The following CACNA2D3 variants were observed in gnomAD, a reference collection of about 807,000 sequenced individuals.
CACNA2D3 encodes the protein calcium voltage-gated channel auxiliary subunit alpha2delta 3, also known as voltage-dependent calcium channel subunit alpha-2/delta-3.
A neutral mutation model predicts 160.6 loss-of-function variants in CACNA2D3; 60 were observed. The observed-to-expected ratio is 0.37, with a 90% CI of 0.30 to 0.46. The LOEUF (loss-of-function observed/expected upper bound fraction) is 0.46. Among genes scored for constraint, CACNA2D3 ranks in the 20% least tolerant of loss-of-function variants. The pLI, the probability that CACNA2D3 is intolerant of heterozygous loss-of-function variation, is 1.00. For synonymous variants in CACNA2D3, 558 were observed against 492.9 expected (o/e 1.13, Z -1.75); for missense variants, 1,205 against 1,365.0 (o/e 0.88, Z 1.85).
At chr3:54,453,436 A>G (rs149292147) in intron 4 of CACNA2D3, among the ~76,000 whole-genome samples, 4 of 152,268 alleles carry the variant, frequency 2.6e-5, no homozygotes, top group Non-Finnish European at 4.4e-5. Context: ...GGACTTCAAC[A>G]TATCTTTTGG....
intron 11 of CACNA2D3, among the ~76,000 whole-genome samples, chr3:54,729,918 G>T (rs1701353228): frequency 6.8e-6 from 1 of 147,374 alleles, no homozygotes; most frequent in Admixed American, 7.1e-5. Flanking sequence ...AGAATGCCAT[G>T]AACCCAGGAG....
intron 27 of CACNA2D3, chr3:54,967,166 T>C (rs970830359): frequency 2.6e-5 from 4 of 152,246 alleles, no homozygotes; most frequent in African/African-American, 9.6e-5. Flanking sequence ...CAAACACAGA[T>C]GGCAAATCTC....
intron 11 of CACNA2D3, among the ~76,000 whole-genome samples, chr3:54,695,997 C>G (rs1700657628): frequency 6.6e-6 from 1 of 152,140 alleles, no homozygotes; most frequent in Admixed American, 6.6e-5. Flanking sequence ...TCCCTTCTTT[C>G]TACATCTTAT....
At chr3:54,581,720 T>C (rs1231818789) in intron 8 of CACNA2D3, 83 bp from the exon 9 acceptor site, 1 of 1,107,342 alleles carries the variant, frequency 9.0e-7, no homozygotes, top group East Asian at 2.5e-5. Context: ...CTTTTTTGTT[T>C]GTGTGCGTAC....
At chr3:54,472,366 T>C (rs1346849801) in intron 4 of CACNA2D3, among the ~76,000 whole-genome samples, 1 of 152,212 alleles carries the variant, frequency 6.6e-6, no homozygotes, top group Non-Finnish European at 1.5e-5. Flanking sequence ...CTAAAAACTT[T>C]CAATAAACTA....
At chr3:54,232,281 T>G (rs1577014552) in intron 2 of CACNA2D3, among the ~76,000 whole-genome samples, 1 of 151,720 alleles carries the variant, frequency 6.6e-6, no homozygotes, top group Non-Finnish European at 1.5e-5. Flanking sequence ...TACAGGGAGG[T>G]GATGACAGTA....
chr3:54,938,206 G>T (rs1274406002), intron 27 of CACNA2D3, among the ~76,000 whole-genome samples: 1 of 152,236 alleles, frequency 6.6e-6, no homozygotes, highest in Non-Finnish European at 1.5e-5. Context: ...AACCAGCCCT[G>T]CTGGGGCTCC....
chr3:54,867,773 C>T (rs1480753552), intron 17 of CACNA2D3, among the ~76,000 whole-genome samples: 1 of 152,196 alleles, frequency 6.6e-6, no homozygotes, highest in Non-Finnish European at 1.5e-5. Flanking sequence ...CTTAGCAACT[C>T]CTCTTTTCCT....
intron 2 of CACNA2D3, among the ~76,000 whole-genome samples, chr3:54,281,044 C>G (rs1330755620): frequency 6.6e-6 from 1 of 152,188 alleles, no homozygotes; most frequent in Non-Finnish European, 1.5e-5. Context: ...GAGGCTGGCA[C>G]ACTGGTTTGT....
At position 54,349,765 on chromosome 3, in the gene CACNA2D3, G is replaced by A. The variant is rs77529604; in HGVS notation, c.321+29207G>A. On this transcript the variant is annotated intron_variant, in intron 3 of 37. Coordinates refer to ENST00000474759, the MANE Select transcript of CACNA2D3 (RefSeq NM_018398.3). Reference sequence around the variant, plus strand: ...TTGGCTTTCTCAGGGGATGTAGTGCGCATCTGTTCATGACTTCTTTAAGTT... The same window carrying A: ...TTGGCTTTCTCAGGGGATGTAGTGCACATCTGTTCATGACTTCTTTAAGTT... Among the ~76,000 whole-genome samples the A allele has an allele frequency of 7.1e-3, 1,078 of 152,238 alleles. 6 individuals are homozygous for A. Among genetic ancestry groups the A allele is most frequent in the African/African-American group, 0.023 (953 of 41,522 alleles).
intron 27 of CACNA2D3, among the ~76,000 whole-genome samples, chr3:54,913,881 G>T (rs752715695): frequency 6.6e-6 from 1 of 152,294 alleles, no homozygotes; most frequent in Non-Finnish European, 1.5e-5. Context: ...CAATACCCAC[G>T]TGTTTTGGTT....
intron 2 of CACNA2D3, among the ~76,000 whole-genome samples, chr3:54,313,328 A>G (rs908094900): frequency 2.6e-5 from 4 of 151,786 alleles, no homozygotes; most frequent in Middle Eastern, 3.4e-3. Flanking sequence ...GCCCTTCCCC[A>G]TTGCCATCTT....
intron 17 of CACNA2D3, among the ~76,000 whole-genome samples, chr3:54,869,660 A>T (rs554804060): frequency 5.9e-5 from 9 of 152,156 alleles, no homozygotes; most frequent in Non-Finnish European, 1.0e-4. Context: ...TTCTTAGGTA[A>T]CAGAGGTCCA....
intron 11 of CACNA2D3, among the ~76,000 whole-genome samples, chr3:54,728,632 G>A (rs2107007632): frequency 6.6e-6 from 1 of 152,314 alleles, no homozygotes; most frequent in African/African-American, 2.4e-5. Flanking sequence ...ATGAAAAATT[G>A]TTGAGGCTTT....
intron 11 of CACNA2D3, among the ~76,000 whole-genome samples, chr3:54,689,515 G>A (rs1700533556): frequency 6.6e-6 from 1 of 152,168 alleles, no homozygotes; most frequent in South Asian, 2.1e-4. Context: ...GGGCATCTCA[G>A]ACTTCTCTTG....
intron 26 of CACNA2D3, 74 bp from the exon 27 acceptor site, chr3:54,899,714 C>A (rs1700281805): frequency 2.7e-6 from 3 of 1,112,576 alleles, no homozygotes; most frequent in South Asian, 1.3e-5. Flanking sequence ...TGACTGTAGA[C>A]CGATATGATT....
chr3:54,736,408 T>C lies in CACNA2D3; in HGVS notation c.1168-16191T>C, dbSNP rs558149578. On this transcript the variant is annotated intron_variant, in intron 11 of 37. Transcript: ENST00000474759. ...TCTTTCTGCTAAATCTTCATTTCTT[T>C]ATATGATTGTTTCCTTGTGTTGATT... Among the ~76,000 whole-genome samples the C allele has an allele frequency of 2.6e-4, 39 of 152,200 alleles. 1 individual carries two copies. The highest frequency in any genetic ancestry group is 3.4e-3 in the Middle Eastern group (1 of 294).
At chr3:54,669,946 T>G (rs1463691801) in intron 11 of CACNA2D3, among the ~76,000 whole-genome samples, 1 of 151,968 alleles carries the variant, frequency 6.6e-6, no homozygotes, top group Non-Finnish European at 1.5e-5. Context: ...ACTGCACCCA[T>G]CCTGGTGACT....
At chr3:54,719,744 G>T (rs1390887275) in intron 11 of CACNA2D3, among the ~76,000 whole-genome samples, 1 of 152,012 alleles carries the variant, frequency 6.6e-6, no homozygotes, top group Non-Finnish European at 1.5e-5. Flanking sequence ...TTGTATGGAA[G>T]AATTCAATGG....
Sources: allele counts gnomAD v4.1 joint callset (sites outside exome capture counted in the v4.1 genomes callset), GRCh38; gene constraint gnomAD v4.1.1; transcripts MANE v1.5; gene names NCBI Gene and HGNC (gene_info 2026-07-23, HGNC 2026-07-21).